Variants in SLCO2B1 observed in about 807,000 individuals in gnomAD.
SLCO2B1 encodes the protein solute carrier organic anion transporter family member 2B1, also known as OATP-RP2.
SLCO2B1 carries 41 observed loss-of-function variants against 67.3 expected under a neutral mutation model. The observed-to-expected ratio is 0.61, with a 90% CI of 0.47 to 0.79. The LOEUF (loss-of-function observed/expected upper bound fraction) is 0.79, where lower values mean the gene tolerates loss of function less well. SLCO2B1 is among the 30% of genes least tolerant of loss of function. The pLI is 0.00. For missense variants in SLCO2B1, 837 were observed against 920.1 expected, an observed-to-expected ratio of 0.91 and a Z score of 1.17; for synonymous variants, 379 against 381.4, an observed-to-expected ratio of 0.99 and a Z score of 0.07.
chr11:75,157,904 G>T (rs1270088193), intron 1 of SLCO2B1, among the ~76,000 whole-genome samples: 2 of 152,078 alleles, frequency 1.3e-5, no homozygotes, highest in East Asian at 3.8e-4. Context: ...TCCCACCTCG[G>T]CCTCCCAAAG....
At position 75,204,440 on chromosome 11, in the gene SLCO2B1, A is replaced by G; in HGVS notation, c.1990A>G (p.Ile664Val). The G allele has an allele frequency of 1.2e-6, 2 of 1,612,090 alleles. No individual in the cohort carries two copies. Among genetic ancestry groups the G allele is most frequent in the Non-Finnish European group, 1.7e-6 (2 of 1,178,986 alleles). ...LQFFFKTGSV[I>V]CFALVLAVLR... ...GTTCTTCTTCAAAACAGGTTCTGTG[A>G]TCTGCTTCGCCTTAGTTTTGGCTGT... is the stretch of plus-strand genomic sequence containing the variant. The change falls in exon 14 of 14, where the codon ATC (isoleucine) becomes GTC (valine). Residue 664 changes from isoleucine to valine, a missense_variant. Physicochemically the swap from Ile to Val is conservative, Grantham distance 29 (BLOSUM62 3). Transcript: ENST00000289575.
rs60113013 is a variant in SLCO2B1, at chr11:75,162,709, GCACAGAAAA to G, written c.76_84del (p.Glu26_Thr28del). The G allele has an allele frequency of 0.022, 36,122 of 1,613,432 alleles. 677 individuals are homozygous for G. Among genetic ancestry groups the G allele is most frequent in the East Asian group, 0.1 (4,666 of 44,808 alleles). ...GACAAGGAAACCAAAGCCACAATGG[GCACAGAAAA>G]CACACCTGGAGGCAAAGCCAGCCCA... On this transcript the variant is annotated inframe_deletion, in exon 2 of 14. Transcript: ENST00000289575.
chr11:75,203,250 G>A, intron 12 of SLCO2B1, 57 bp from the exon 13 acceptor site: 2 of 1,592,538 alleles, frequency 1.3e-6, no homozygotes, highest in Non-Finnish European at 1.7e-6. Context: ...ACATGCCAGG[G>A]AGGGGGCAGG....
intron 7 of SLCO2B1, among the ~76,000 whole-genome samples, chr11:75,184,594 A>G (rs1950128124): frequency 6.6e-6 from 1 of 152,104 alleles, no homozygotes; most frequent in Non-Finnish European, 1.5e-5. Context: ...CCCACTTGCC[A>G]TCCTGGCCCA....
chr11:75,183,705 G>A (rs1950114680), intron 7 of SLCO2B1, among the ~76,000 whole-genome samples: 1 of 152,028 alleles, frequency 6.6e-6, no homozygotes, highest in Non-Finnish European at 1.5e-5. Flanking sequence ...TAAAATTTTT[G>A]TCGAAATGGG....
intron 6 of SLCO2B1, among the ~76,000 whole-genome samples, chr11:75,172,016 A>G (rs1272884738): frequency 6.6e-6 from 1 of 152,202 alleles, no homozygotes; most frequent in Non-Finnish European, 1.5e-5. Context: ...CAACAGTCCT[A>G]TGATTTGGAA....
chr11:75,166,085 C>G (rs895008817), intron 4 of SLCO2B1, 136 bp downstream of exon 4: 4 of 1,088,150 alleles, frequency 3.7e-6, no homozygotes, highest in East Asian at 2.6e-5. Flanking sequence ...CTAGTCCCCC[C>G]CCAACCTGGC....
At chr11:75,187,619 T>C (rs990296147) in intron 7 of SLCO2B1, among the ~76,000 whole-genome samples, 47 of 152,312 alleles carry the variant, frequency 3.1e-4, no homozygotes, top group African/African-American at 1.1e-3. Flanking sequence ...ATTCTGATCA[T>C]CATCATGGTG....
chr11:75,151,910 G>A (rs1949696097), intron 1 of SLCO2B1: 1 of 161,920 alleles, frequency 6.2e-6, no homozygotes, highest in African/African-American at 2.4e-5. Context: ...GAGAGACAAA[G>A]AGGCAGGAGA....
At chr11:75,173,977 T>C (rs1411954985) in intron 7 of SLCO2B1, among the ~76,000 whole-genome samples, 1 of 151,924 alleles carries the variant, frequency 6.6e-6, no homozygotes, top group Non-Finnish European at 1.5e-5. Flanking sequence ...TAATTTTGTA[T>C]TTTTAGTAGA....
intron 1 of SLCO2B1, among the ~76,000 whole-genome samples, chr11:75,153,076 C>G (rs59633704): frequency 0.3 from 45,888 of 152,096 alleles, 7,726 homozygotes; most frequent in African/African-American, 0.42. Flanking sequence ...CACACACAGT[C>G]TGACTCAGAG....
intron 4 of SLCO2B1, among the ~76,000 whole-genome samples, chr11:75,168,300 C>T (rs531017620): frequency 6.6e-6 from 1 of 152,286 alleles, no homozygotes; most frequent in East Asian, 1.9e-4. Flanking sequence ...CCGTGGAAGG[C>T]TTCTTTCACG....
At chr11:75,157,853 T>A (rs1297569074) in intron 1 of SLCO2B1, among the ~76,000 whole-genome samples, 1 of 152,300 alleles carries the variant, frequency 6.6e-6, no homozygotes, top group Non-Finnish European at 1.5e-5. Context: ...GGTATCACCA[T>A]GTCACCCAGG....
At chr11:75,189,349 T>A in intron 8 of SLCO2B1, among the ~76,000 whole-genome samples, 1 of 152,174 alleles carries the variant, frequency 6.6e-6, no homozygotes, top group East Asian at 1.9e-4. Context: ...AAATTGAGTT[T>A]CCTCATCTGG....
At chr11:75,177,238 C>G (rs1022582501) in intron 7 of SLCO2B1, among the ~76,000 whole-genome samples, 3 of 152,152 alleles carry the variant, frequency 2.0e-5, no homozygotes, top group African/African-American at 7.2e-5. Context: ...GTTTTTATAC[C>G]TGTCTAAAGA....
chr11:75,187,182 T>G (rs1310786632), intron 7 of SLCO2B1, among the ~76,000 whole-genome samples: 1 of 152,222 alleles, frequency 6.6e-6, no homozygotes, highest in African/African-American at 2.4e-5. Flanking sequence ...ATTAGAACAG[T>G]GCCCAGCATA....
At chr11:75,167,652 T>G (rs1438663405) in intron 4 of SLCO2B1, among the ~76,000 whole-genome samples, 1 of 152,094 alleles carries the variant, frequency 6.6e-6, no homozygotes, top group Non-Finnish European at 1.5e-5. Context: ...TCTCTAATAA[T>G]TGTTGCATCT....
chr11:75,153,034 T>C (rs1444866285), intron 1 of SLCO2B1, among the ~76,000 whole-genome samples: 1 of 152,174 alleles, frequency 6.6e-6, no homozygotes, highest in African/African-American at 2.4e-5. Flanking sequence ...TAGGCAGCAG[T>C]TTCCCTGCAA....
In SLCO2B1 at chr11:75,188,025, A is replaced by G. The variant is rs374437147; in HGVS notation, c.973-111A>G. On this transcript the variant is annotated intron_variant, in intron 7 of 13. Transcript: ENST00000289575. ...GGCCTCAATTGCTCCTGAAGAGATG[A>G]CAGGGCTCTCACCCTCTCCTCTCCA... 48 of 665,988 alleles carry G rather than the reference A, an allele frequency of 7.2e-5. No individual in the cohort carries two copies. The East Asian group carries it at 9.6e-4, about 13-fold the overall frequency. 41.3% of individuals were successfully genotyped at this position (665,988 alleles called of 1,614,324 possible).
Sources: gnomAD v4.1 joint callset for allele counts (sites outside exome capture counted in the v4.1 genomes callset) on GRCh38, gnomAD v4.1.1 for gene constraint, MANE v1.5 for transcripts, NCBI Gene and HGNC (gene_info 2026-07-23, HGNC 2026-07-21) for gene names.